The following NUP153 variants were observed in gnomAD, a reference collection of about 807,000 sequenced individuals.
NUP153 encodes the protein nucleoporin 153.
Under a neutral mutation model 134.6 loss-of-function variants are expected in NUP153, and 27 were observed. The observed-to-expected ratio is 0.20, with a 90% confidence interval of 0.15 to 0.28. The LOEUF (loss-of-function observed/expected upper bound fraction) is 0.28, where lower values mean the gene tolerates loss of function less well. Ranked by LOEUF, NUP153 falls within the 10% of genes least tolerant of loss-of-function variation. The pLI is 1.00. For synonymous variants in NUP153, 640 were observed against 623.5 expected (o/e 1.03, Z -0.40); for missense variants, 1,821 against 1,731.3 (o/e 1.05, Z -0.92).
chr6:17,649,006 T>A (rs180711552), intron 12 of NUP153, among the ~76,000 whole-genome samples, 157 bp downstream of exon 12: 1 of 152,302 alleles, frequency 6.6e-6, no homozygotes, highest in Admixed American at 6.5e-5. Context: ...TATTTGTACA[T>A]TTTTTTAAAA....
rs770698436 is a variant in NUP153, at chr6:17,624,806, G to C, written c.3929C>G (p.Pro1310Arg). 1 of 1,610,636 alleles carries C rather than the reference G, an allele frequency of 6.2e-7. No individual in the cohort carries two copies. The highest frequency in any genetic ancestry group is 1.7e-5 in the Admixed American group (1 of 59,808). ...TGCTGGACTGGCAGATGGTGCTGAG[G>C]GTCCAGTTCCAAATACAAAGGAGGA... is the stretch of plus-strand genomic sequence containing the variant. ...AGSSFVFGTG[P>R]SAPSASPAFG... The change falls in exon 20 of 22, where the codon CCC becomes CGC. Residue 1310 changes from proline (P) to arginine (R), a missense_variant. Coordinates refer to ENST00000262077, the MANE Select transcript of NUP153 (RefSeq NM_005124.4).
rs1193599654 is a variant in NUP153, at chr6:17,652,007, G to A, written c.1396-2707C>T. The A allele has an allele frequency of 5.3e-5, 25 of 468,278 alleles. No individual in the cohort carries two copies. The South Asian group carries it at 7.2e-4, about 13-fold the overall frequency. 29.0% of individuals were successfully genotyped at this position (468,278 alleles called of 1,614,324 possible). On this transcript the variant is annotated intron_variant, in intron 11 of 21. Transcript: ENST00000262077. Reference sequence around the variant, plus strand: ...CTACTTGGGAGGCTCAGGTGGCCACGCCACTGCACTCCAGCCTGGGTGACA... The same window carrying A: ...CTACTTGGGAGGCTCAGGTGGCCACACCACTGCACTCCAGCCTGGGTGACA...
chr6:17,618,703 C>T (rs1315894563), intron 20 of NUP153, among the ~76,000 whole-genome samples: 6 of 151,942 alleles, frequency 3.9e-5, no homozygotes, highest in South Asian at 2.1e-4. Context: ...GTAGCTGGGA[C>T]TACAGGCGCC....
Position 17,624,547 on chromosome 6 carries a change from C to CA in NUP153, c.4174+13dup, listed in dbSNP as rs1377929709. ...AAACCCATACAGATACTAACAGCAT[C>CA]ACAGCACACTTACTAGAATTAGGAG... is the stretch of plus-strand genomic sequence containing the variant. On this transcript the variant is annotated intron_variant, in intron 20 of 21. Transcript: ENST00000262077. 1 of 1,612,716 alleles carries CA rather than the reference C, an allele frequency of 6.2e-7. No homozygotes were observed. The highest frequency in any genetic ancestry group is 2.2e-5 in the East Asian group (1 of 44,882).
At chr6:17,650,307 C>T (rs1345110362) in intron 11 of NUP153, among the ~76,000 whole-genome samples, 2 of 152,042 alleles carry the variant, frequency 1.3e-5, no homozygotes, top group Non-Finnish European at 2.9e-5. Flanking sequence ...AAACAGCAAA[C>T]GTGTTAACTG....
chr6:17,646,229 A>G, intron 13 of NUP153, 75 bp from the exon 14 acceptor site: 1 of 735,038 alleles, frequency 1.4e-6, no homozygotes. Flanking sequence ...TTCCCCCGAG[A>G]CGGAGTCTTA....
chr6:17,706,422 G>A lies in NUP153; in HGVS notation c.-35C>T. On this transcript the variant is annotated 5_prime_UTR_variant, in exon 1 of 22. Transcript: ENST00000262077. This position sits in a 1 kb window ranked among gnomAD's most constrained non-coding sequence, Gnocchi z 5.9. Reference sequence around the variant, plus strand: ...TCCGCCGCTTCCCGCTCCGGGGCGGGTAAGGGGGCGGGAGAGGCAGAGGCG... The same window carrying A: ...TCCGCCGCTTCCCGCTCCGGGGCGGATAAGGGGGCGGGAGAGGCAGAGGCG... 6.4e-7 allele frequency: 1 copy of A among 1,559,762 alleles called. No homozygotes were observed. The highest frequency in any genetic ancestry group is 8.8e-7 in the Non-Finnish European group (1 of 1,138,468).
intron 17 of NUP153, among the ~76,000 whole-genome samples, chr6:17,630,503 T>C (rs1157170496): frequency 6.6e-6 from 1 of 151,604 alleles, no homozygotes; most frequent in Non-Finnish European, 1.5e-5. Flanking sequence ...CTACTAAAAA[T>C]ACAAAAAAAA....
intron 1 of NUP153, among the ~76,000 whole-genome samples, chr6:17,700,665 A>G (rs1261999843): frequency 1.3e-5 from 2 of 152,224 alleles, no homozygotes; most frequent in Admixed American, 6.5e-5. Flanking sequence ...AGAGTATCAC[A>G]AAGAAGCTAC....
At chr6:17,619,986 T>C (rs1764561431) in intron 20 of NUP153, among the ~76,000 whole-genome samples, 1 of 149,456 alleles carries the variant, frequency 6.7e-6, no homozygotes, top group South Asian at 2.1e-4. Flanking sequence ...TAATCCCAGC[T>C]ACCCAGGAAG....
At chr6:17,703,569 A>G (rs1028994130) in intron 1 of NUP153, among the ~76,000 whole-genome samples, 8 of 152,112 alleles carry the variant, frequency 5.3e-5, no homozygotes, top group Non-Finnish European at 8.8e-5. Flanking sequence ...TCCAGTTGAC[A>G]GCCTAGGATA....
chr6:17,674,688 T>C (rs1358538709), intron 5 of NUP153, among the ~76,000 whole-genome samples: 1 of 152,104 alleles, frequency 6.6e-6, no homozygotes, highest in East Asian at 1.9e-4. Context: ...GAGAATCGCT[T>C]GAAACCAGGA....
Position 17,639,941 on chromosome 6 carries a change from G to A in NUP153, c.1844C>T (p.Pro615Leu), listed in dbSNP as rs940723936. The A allele has an allele frequency of 1.2e-6, 2 of 1,601,392 alleles. No homozygotes were observed. The highest frequency in any genetic ancestry group is 2.7e-5 in the African/African-American group (2 of 73,958). Residue 615 changes from proline to leucine, a missense_variant and splice_region_variant, in exon 15 of 22, where the codon CCT becomes CTT. Transcript: ENST00000262077. ...EGSVLDILKS[P>L]GFASPKIDSV... ...GGCTTATCTTTTAATTATCTTACCA[G>A]GGCTTTTCAGAATATCTAGAACACT...
At chr6:17,676,417 G>T (rs1768224589) in intron 2 of NUP153, among the ~76,000 whole-genome samples, 1 of 112,182 alleles carries the variant, frequency 8.9e-6, no homozygotes, top group South Asian at 3.6e-4. Context: ...AGTACCAAAT[G>T]TTTTAAATAT....
intron 1 of NUP153, among the ~76,000 whole-genome samples, chr6:17,700,946 G>C (rs2150253342): frequency 6.6e-6 from 1 of 152,304 alleles, no homozygotes; most frequent in East Asian, 1.9e-4. Context: ...AAATAGCTAA[G>C]CAGTGGCTCA....
intron 2 of NUP153, among the ~76,000 whole-genome samples, chr6:17,685,809 CTA>C (rs1214652099): frequency 6.6e-6 from 1 of 151,714 alleles, no homozygotes; most frequent in East Asian, 1.9e-4. Flanking sequence ...TATGTACTTA[CTA>C]TACCTTTTAT....
At chr6:17,668,787 G>A (rs569402140) in intron 8 of NUP153, among the ~76,000 whole-genome samples, 188 bp downstream of exon 8, 9 of 151,908 alleles carry the variant, frequency 5.9e-5, no homozygotes, top group Non-Finnish European at 1.0e-4. Context: ...AGGTCGCAGT[G>A]AGTCAAGATG....
rs1274433315 is a variant in NUP153, at chr6:17,628,524, G to C, written c.3544+131C>G. 4.6e-6 allele frequency: 2 copies of C among 430,164 alleles called. No individual in the cohort carries two copies. Among genetic ancestry groups the C allele is most frequent in the Non-Finnish European group, 7.4e-6 (2 of 269,276 alleles). The allele number at this position is 430,164 out of a possible 1,614,324, so 26.6% of individuals were successfully genotyped here. The stretch of plus-strand genomic sequence containing the variant: ...TGAAAATCCTAGGTTCCTTCCCAAA[G>C]AGTTCTGTATTTCTCAACTATGTTC... On this transcript the variant is annotated intron_variant, in intron 18 of 21. Coordinates refer to ENST00000262077, the MANE Select transcript of NUP153 (RefSeq NM_005124.4). This position sits in a 1 kb window ranked among gnomAD's most constrained non-coding sequence, Gnocchi z 5.4.
intron 2 of NUP153, among the ~76,000 whole-genome samples, chr6:17,681,518 G>T (rs1004805728): frequency 7.2e-5 from 11 of 152,132 alleles, no homozygotes; most frequent in African/African-American, 2.7e-4. Flanking sequence ...CCAGATGGAG[G>T]TTGCAGTGAG....
Sources: allele counts gnomAD v4.1 joint callset (sites outside exome capture counted in the v4.1 genomes callset), GRCh38; gene constraint gnomAD v4.1.1; non-coding constraint Gnocchi (gnomAD v3.1); transcripts MANE v1.5; gene names NCBI Gene and HGNC (gene_info 2026-07-23, HGNC 2026-07-21).